Variants in LRRC4B observed in about 807,000 individuals in gnomAD.
The protein encoded by LRRC4B is leucine rich repeat containing 4B.
In LRRC4B, 1 loss-of-function variant was observed where a neutral mutation model predicts 7.3. The ratio of observed to expected loss-of-function variants is 0.14; its 90% CI spans 0.05 to 0.65. LRRC4B has a LOEUF of 0.65. Ranked by LOEUF, LRRC4B falls within the 30% of genes least tolerant of loss-of-function variation. The probability of loss-of-function intolerance (pLI) is 0.84; values close to 1 mark genes in which losing one functional copy is unlikely to be tolerated. For missense variants in LRRC4B, 730 were observed against 1,041.6 expected (o/e 0.70, Z 4.12); for synonymous variants, 500 against 499.2 (o/e 1.00, Z -0.02).
chr19:50,531,246 G>A (rs17662486), intron 2 of LRRC4B, among the ~76,000 whole-genome samples: 3,200 of 152,338 alleles, frequency 0.021, 42 homozygotes, highest in Middle Eastern at 0.051. Flanking sequence ...TCATTTCAGA[G>A]ACAGGAGACC....
rs1006187415 is a variant in LRRC4B at position 50,564,897 on chromosome 19, C to A, written c.-36+3047G>T. Among the ~76,000 whole-genome samples, 3 of 152,012 alleles carry A rather than the reference C, an allele frequency of 2.0e-5. No homozygotes were observed. In the South Asian group the frequency reaches 6.2e-4, roughly 31 times the overall value. On this transcript the variant is annotated intron_variant, in intron 1 of 2. Coordinates refer to ENST00000652263, the MANE Select transcript of LRRC4B (RefSeq NM_001080457.2). ...GCCACCCCCGCCCCCAATCCCCAAC[C>A]CACAGCACCTCTGCCTGAAGATCGG... is the stretch of plus-strand genomic sequence containing the variant.
intron 2 of LRRC4B, among the ~76,000 whole-genome samples, chr19:50,530,769 T>C (rs1981021523): frequency 6.6e-6 from 1 of 151,358 alleles, no homozygotes; most frequent in Non-Finnish European, 1.5e-5. Flanking sequence ...GGAGTTTCGC[T>C]GTTTTCACCC....
At chr19:50,564,956 G>GGCACATGTGTGCAC in intron 1 of LRRC4B, among the ~76,000 whole-genome samples, 1 of 152,174 alleles carries the variant, frequency 6.6e-6, no homozygotes, top group Non-Finnish European at 1.5e-5. Flanking sequence ...TGTGTGTGCA[G>GGCACATGTGTGCAC]GCACATGTGT....
At chr19:50,545,629 T>C (rs1316370369) in intron 2 of LRRC4B, among the ~76,000 whole-genome samples, 1 of 151,856 alleles carries the variant, frequency 6.6e-6, no homozygotes, top group Non-Finnish European at 1.5e-5. Flanking sequence ...AGGAAGGCAT[T>C]AGAACAAAAT....
chr19:50,544,375 C>T lies in LRRC4B; in HGVS notation c.297+4167G>A, dbSNP rs374438431. On this transcript the variant is annotated intron_variant, in intron 2 of 2. Transcript: ENST00000652263. ...CAAAAAAATTAGCTGGGTGTGGTGGCGGGCACCTGTAGTCCCAGCTACTTG... is the reference window on the plus strand; with the variant it reads ...CAAAAAAATTAGCTGGGTGTGGTGGTGGGCACCTGTAGTCCCAGCTACTTG... 7.9e-4 allele frequency among the ~76,000 whole-genome samples: 117 copies of T among 148,888 alleles called. No individual in the cohort carries two copies. In the East Asian group the frequency reaches 0.018, roughly 23 times the overall value.
At position 50,567,987 on chromosome 19, in the gene LRRC4B, GT is replaced by G. The variant is rs1982694903; in HGVS notation, c.-80del. 6.9e-6 allele frequency: 1 copy of G among 145,130 alleles called. No individual in the cohort carries two copies. Among genetic ancestry groups the G allele is most frequent in the Non-Finnish European group, 1.5e-5 (1 of 66,030 alleles). The allele number at this position is 145,130 out of a possible 1,614,324, so 9.0% of individuals were successfully genotyped here. A position where few individuals can be genotyped will look rare whatever the true frequency, so the allele number is the denominator to read the frequency against. ...TTCCGGGGGGCAGCATGCCCGGCCC[GT>G]GGGGGGAGGACCCCCCCAATGAGGC... On this transcript the variant is annotated 5_prime_UTR_variant, in exon 1 of 3. Transcript: ENST00000652263.
chr19:50,544,423 C>T (rs1210981288), intron 2 of LRRC4B, among the ~76,000 whole-genome samples: 3 of 151,672 alleles, frequency 2.0e-5, no homozygotes. Context: ...AGGAGAATGG[C>T]GTGAACCCGG....
At chr19:50,530,594 T>C (rs1434874170) in intron 2 of LRRC4B, among the ~76,000 whole-genome samples, 1 of 152,138 alleles carries the variant, frequency 6.6e-6, no homozygotes, top group Non-Finnish European at 1.5e-5. Context: ...GGCCGTTGTC[T>C]GTGAAAGGAC....
chr19:50,533,005 C>T (rs937101523), intron 2 of LRRC4B, among the ~76,000 whole-genome samples: 2 of 152,194 alleles, frequency 1.3e-5, no homozygotes, highest in African/African-American at 2.4e-5. Flanking sequence ...TTTTTACCTT[C>T]GTGTGCACGT....
intron 2 of LRRC4B, among the ~76,000 whole-genome samples, chr19:50,528,545 A>C (rs1021887628): frequency 6.6e-6 from 1 of 152,038 alleles, no homozygotes; most frequent in Non-Finnish European, 1.5e-5. Context: ...GCATTTCGCC[A>C]TGCTAGCCAG....
chr19:50,567,690 C>A (rs1026271657), intron 1 of LRRC4B, among the ~76,000 whole-genome samples: 1 of 147,884 alleles, frequency 6.8e-6, no homozygotes, highest in African/African-American at 2.5e-5. Context: ...CCCCCACAAC[C>A]TGTCCCCAGG....
chr19:50,518,739 C>T lies in LRRC4B; in HGVS notation c.974G>A (p.Trp325Ter), dbSNP rs1980420206. 6.2e-7 allele frequency: 1 copy of T among 1,613,900 alleles called. No homozygotes were observed. Among genetic ancestry groups the T allele is most frequent in the Admixed American group, 1.7e-5 (1 of 60,008 alleles). The change falls in exon 3 of 3, where the codon TGG (tryptophan) becomes TAG (stop). Residue 325 changes from tryptophan (W) to a stop codon, truncating the protein, a stop_gained. Transcript: ENST00000652263. LOFTEE classifies it low-confidence loss of function (END_TRUNC). ...CNCDVLWLSW[W>*]LKETVPSNTT... is the part of the protein sequence containing the mutation. ...GTTGCTGGGCACCGTCTCCTTGAGC[C>T]ACCAGCTCAGCCAGAGCACGTCGCA...
intron 1 of LRRC4B, among the ~76,000 whole-genome samples, chr19:50,557,370 ACAGGGCAG>A (rs1436962122): frequency 6.6e-6 from 1 of 152,152 alleles, no homozygotes; most frequent in Admixed American, 6.5e-5. Context: ...GGTCACACCC[ACAGGGCAG>A]CAGGGGAGCT....
chr19:50,536,164 C>T (rs1214771207), intron 2 of LRRC4B, among the ~76,000 whole-genome samples: 2 of 151,126 alleles, frequency 1.3e-5, no homozygotes, highest in Non-Finnish European at 2.9e-5. Context: ...GATGGAGTCT[C>T]GCTCTGTCGC....
At chr19:50,534,994 G>A (rs924795802) in intron 2 of LRRC4B, among the ~76,000 whole-genome samples, 5 of 151,672 alleles carry the variant, frequency 3.3e-5, no homozygotes, top group East Asian at 1.9e-4. Flanking sequence ...TCAGCCTCCC[G>A]AGTAGCTGGG....
rs1245914942 is a variant in LRRC4B, at chr19:50,553,143, G to A, written c.-35-4270C>T. Among the ~76,000 whole-genome samples the A allele has an allele frequency of 6.6e-6, 1 of 152,080 alleles. No homozygotes were observed. The highest frequency in any genetic ancestry group is 2.1e-4 in the South Asian group (1 of 4,822). ...AGAATCAGAGGATCTTTCTCCCCAC[G>A]CCCAGGCTACTTCCCTGACCTGGCT... is the stretch of plus-strand genomic sequence containing the variant. On this transcript the variant is annotated intron_variant, in intron 1 of 2. Transcript: ENST00000652263. This position sits in a 1 kb window ranked among gnomAD's most constrained non-coding sequence, Gnocchi z 4.2.
At chr19:50,552,678 AT>A (rs1292825520) in intron 1 of LRRC4B, among the ~76,000 whole-genome samples, 23 of 141,416 alleles carry the variant, frequency 1.6e-4, no homozygotes, top group South Asian at 9.9e-4. Flanking sequence ...CCATCCATCC[AT>A]CCATCCATCC....
At chr19:50,535,312 G>A (rs533926501) in intron 2 of LRRC4B, among the ~76,000 whole-genome samples, 88 of 152,158 alleles carry the variant, frequency 5.8e-4, no homozygotes, top group African/African-American at 1.6e-3. Flanking sequence ...AGCTGGGATT[G>A]CAGGTGCAAA....
chr19:50,548,983 C>G lies in LRRC4B; in HGVS notation c.-35-110G>C, dbSNP rs543240821. The G allele has an allele frequency of 1.6e-6, 1 of 620,528 alleles. No individual in the cohort carries two copies. Among genetic ancestry groups the G allele is most frequent in the African/African-American group, 1.9e-5 (1 of 53,726 alleles). The allele number at this position is 620,528 out of a possible 1,614,324, so 38.4% of individuals were successfully genotyped here. A position where few individuals can be genotyped will look rare whatever the true frequency, so the allele number is the denominator to read the frequency against. On this transcript the variant is annotated intron_variant, in intron 1 of 2. Transcript: ENST00000652263. This position sits in a 1 kb window ranked among gnomAD's most constrained non-coding sequence, Gnocchi z 6.8. ...CCCATCGCCGCCTCCCTGCCCCATG[C>G]CCAGAACAAAGGGACAGGGAGGGAG...
Sources: allele counts gnomAD v4.1 joint callset (sites outside exome capture counted in the v4.1 genomes callset), GRCh38; gene constraint gnomAD v4.1.1; non-coding constraint Gnocchi (gnomAD v3.1); transcripts MANE v1.5; gene names NCBI Gene and HGNC (gene_info 2026-07-23, HGNC 2026-07-21).